Variants in ABTB3 observed in about 807,000 individuals in gnomAD.
ABTB3 encodes the protein ankyrin repeat- and BTB/POZ domain-containing protein 3.
At chr12:107,653,574 GCTTGT>G in the ABTB3 span, among the ~76,000 whole-genome samples, 227 of 151,808 alleles carry the variant, frequency 1.5e-3, 1 homozygote, top group African/African-American at 5.2e-3. Context: ...GATGCTACTT[GCTTGT>G]CTTAAGACAG....
chr12:107,644,088 G>A, the ABTB3 span, among the ~76,000 whole-genome samples: 1 of 152,134 alleles, frequency 6.6e-6, no homozygotes, highest in South Asian at 2.1e-4. Context: ...TTTTGTAGAT[G>A]AAGAAACTGA....
At chr12:107,343,831 G>A in the ABTB3 span, among the ~76,000 whole-genome samples, 3 of 152,156 alleles carry the variant, frequency 2.0e-5, no homozygotes, top group South Asian at 2.1e-4. Context: ...AGGAAAAAGT[G>A]CCACTTTTAA....
At chr12:107,604,195 C>T in the ABTB3 span, among the ~76,000 whole-genome samples, 5 of 151,678 alleles carry the variant, frequency 3.3e-5, no homozygotes, top group Admixed American at 2.0e-4. Context: ...AGGCCAGGCA[C>T]GGTGGCACTT....
At chr12:107,585,700 A>T in the ABTB3 span, among the ~76,000 whole-genome samples, 2 of 152,170 alleles carry the variant, frequency 1.3e-5, no homozygotes, top group Non-Finnish European at 2.9e-5. Context: ...TGTGGGCCAA[A>T]CTGGATTATA....
the ABTB3 span, chr12:107,520,325 A>C: frequency 1.0e-6 from 1 of 972,904 alleles, no homozygotes. Context: ...CTGGGCATCC[A>C]TTTCTAAAAG....
chr12:107,349,325 C>T, the ABTB3 span, among the ~76,000 whole-genome samples: 61 of 152,288 alleles, frequency 4.0e-4, no homozygotes, highest in East Asian at 8.3e-3. Flanking sequence ...GAATGTGGGG[C>T]GGCATCATCA....
At chr12:107,617,158 C>T in the ABTB3 span, 1 of 1,614,200 alleles carries the variant, frequency 6.2e-7, no homozygotes. Flanking sequence ...CTCGGAAACA[C>T]CCCTCCAGCT....
the ABTB3 span, among the ~76,000 whole-genome samples, chr12:107,468,368 G>A: frequency 6.6e-6 from 1 of 152,126 alleles, no homozygotes; most frequent in East Asian, 1.9e-4. Context: ...CAGTGGCCTT[G>A]TGAGTATAAA....
the ABTB3 span, among the ~76,000 whole-genome samples, chr12:107,432,141 G>A: frequency 6.6e-6 from 1 of 152,152 alleles, no homozygotes; most frequent in Non-Finnish European, 1.5e-5. Context: ...ACCCTATTGA[G>A]GTTAATATGG....
the ABTB3 span, among the ~76,000 whole-genome samples, chr12:107,371,846 G>A: frequency 1.1e-4 from 17 of 152,108 alleles, no homozygotes; most frequent in Non-Finnish European, 2.2e-4. Flanking sequence ...AACTAATTAA[G>A]CACAGCACTT....
chr12:107,577,021 T>C, the ABTB3 span, among the ~76,000 whole-genome samples: 3 of 152,148 alleles, frequency 2.0e-5, no homozygotes, highest in Non-Finnish European at 2.9e-5. Flanking sequence ...AATATTAGCA[T>C]TGGGAAGAAC....
chr12:107,612,552 A>G, the ABTB3 span, among the ~76,000 whole-genome samples: 48 of 152,328 alleles, frequency 3.2e-4, no homozygotes, highest in South Asian at 5.8e-3. Context: ...CAAGGCAAGG[A>G]AAGATAAATG....
At chr12:107,538,087 A>G in the ABTB3 span, among the ~76,000 whole-genome samples, 1 of 151,962 alleles carries the variant, frequency 6.6e-6, no homozygotes, top group Non-Finnish European at 1.5e-5. Flanking sequence ...CGAGAATGCC[A>G]CTACCAACAG....
At chr12:107,340,876 T>C in the ABTB3 span, among the ~76,000 whole-genome samples, 2 of 152,154 alleles carry the variant, frequency 1.3e-5, no homozygotes, top group Non-Finnish European at 2.9e-5. Flanking sequence ...ATTAGGAATT[T>C]GGTGAAGAGA....
chr12:107,365,696 C>T, the ABTB3 span, among the ~76,000 whole-genome samples: 1 of 152,118 alleles, frequency 6.6e-6, no homozygotes, highest in Non-Finnish European at 1.5e-5. Flanking sequence ...ATTTTAGGGG[C>T]CAAGGAGGAG....
At chr12:107,565,329 G>A in the ABTB3 span, among the ~76,000 whole-genome samples, 1 of 152,036 alleles carries the variant, frequency 6.6e-6, no homozygotes, top group Non-Finnish European at 1.5e-5. Flanking sequence ...TGTTGTGTTT[G>A]TCTTCATCTA....
chr12:107,588,479 T>C, the ABTB3 span, among the ~76,000 whole-genome samples: 1 of 152,162 alleles, frequency 6.6e-6, no homozygotes, highest in Non-Finnish European at 1.5e-5. Flanking sequence ...CAGGACAATG[T>C]GGGAGAAGTA....
chr12:107,463,825 C>G, the ABTB3 span, among the ~76,000 whole-genome samples: 8 of 152,196 alleles, frequency 5.3e-5, no homozygotes, highest in African/African-American at 9.7e-5. Flanking sequence ...TGTTAGGAAG[C>G]CTCAACCAGC....
At chr12:107,409,304 G>T in the ABTB3 span, among the ~76,000 whole-genome samples, 2 of 152,220 alleles carry the variant, frequency 1.3e-5, no homozygotes, top group African/African-American at 4.8e-5. Context: ...GGCCTCTCCT[G>T]TGGAGAAATA....
Sources: gnomAD v4.1 joint callset for allele counts (sites outside exome capture counted in the v4.1 genomes callset) on GRCh38, gnomAD v4.1.1 for gene constraint, MANE v1.5 for transcripts, NCBI Gene and HGNC (gene_info 2026-07-23, HGNC 2026-07-21) for gene names.